PCDHA5: variants seen among roughly 807,000 people sequenced by gnomAD.
PCDHA5 encodes protocadherin alpha 5.
Under a neutral mutation model 61.6 loss-of-function variants are expected in PCDHA5, and 43 were observed. The observed-to-expected ratio is 0.70, with a 90% CI of 0.55 to 0.90. The LOEUF is 0.90. PCDHA5 is among the 40% of genes least tolerant of loss of function. PCDHA5 has a pLI of 0.00. For missense variants in PCDHA5, 1,298 were observed against 1,222.7 expected, an observed-to-expected ratio of 1.06 and a Z score of -0.92; for synonymous variants, 627 against 543.9, an observed-to-expected ratio of 1.15 and a Z score of -2.13.
At position 140,883,032 on chromosome 5, in the gene PCDHA5, C is replaced by G. The variant is rs2153389895; in HGVS notation, c.2352+58905C>G. The G allele has an allele frequency of 6.2e-6, 10 of 1,614,064 alleles. No individual in the cohort carries two copies. The South Asian group carries it at 8.8e-5, about 14-fold the overall frequency. ...TATAAAGTGACGGTGTTAGAGAACG[C>G]CTTCAATGGAACATTAGTGATCAAG... On this transcript the variant is annotated intron_variant, in intron 1 of 3. Transcript: ENST00000529859.
intron 1 of PCDHA5, among the ~76,000 whole-genome samples, chr5:140,895,700 A>G (rs2065117583): frequency 6.6e-6 from 1 of 152,022 alleles, no homozygotes; most frequent in Non-Finnish European, 1.5e-5. Context: ...ATATTAATTC[A>G]CTTGGGATAA....
At chr5:140,928,844 C>A (rs782361945) in intron 1 of PCDHA5, 9 of 1,614,168 alleles carry the variant, frequency 5.6e-6, no homozygotes, top group Non-Finnish European at 7.6e-6. Context: ...TCCTCTGTCA[C>A]TCTGGGTGTG....
chr5:140,843,829 G>T (rs1554140457), intron 1 of PCDHA5: 1 of 1,170,122 alleles, frequency 8.5e-7, no homozygotes, highest in African/African-American at 1.5e-5. Flanking sequence ...TTTAAACATT[G>T]TTTAGTTTTT....
chr5:140,915,463 T>C (rs2077131577), intron 1 of PCDHA5, among the ~76,000 whole-genome samples: 1 of 152,184 alleles, frequency 6.6e-6, no homozygotes, highest in East Asian at 1.9e-4. Flanking sequence ...AGAAGGTTTT[T>C]ATTTGAAGGA....
chr5:140,887,769 T>A (rs1012351831), intron 1 of PCDHA5, among the ~76,000 whole-genome samples: 23 of 152,212 alleles, frequency 1.5e-4, no homozygotes, highest in African/African-American at 5.5e-4. Flanking sequence ...TATGTTACAA[T>A]GACACAGGTC....
chr5:140,849,536 T>C lies in PCDHA5; in HGVS notation c.2352+25409T>C, dbSNP rs2150439955. On this transcript the variant is annotated intron_variant, in intron 1 of 3. Transcript: ENST00000529859. ...AAGTTGTGGATGTAAATGACAATGC[T>C]CCACAGTTGACTATCAAAACGCTCT... The C allele has an allele frequency of 1.9e-6, 3 of 1,597,980 alleles. 1 individual carries two copies. Among genetic ancestry groups the C allele is most frequent in the Non-Finnish European group, 2.6e-6 (3 of 1,167,716 alleles).
At chr5:140,828,529 G>T in intron 1 of PCDHA5, 1 of 1,614,222 alleles carries the variant, frequency 6.2e-7, no homozygotes, top group Non-Finnish European at 8.5e-7. Context: ...ACGAATCTAG[G>T]CTGCCAGATT....
At chr5:140,828,503 CAA>C (rs2150156146) in intron 1 of PCDHA5, 9 of 1,614,120 alleles carry the variant, frequency 5.6e-6, no homozygotes, top group East Asian at 4.5e-5. Flanking sequence ...GGTAGAGGAA[CAA>C]AGAGTGCTGA....
At chr5:140,829,784 C>T (rs2150174658) in intron 1 of PCDHA5, 2 of 1,613,724 alleles carry the variant, frequency 1.2e-6, no homozygotes, top group Non-Finnish European at 1.7e-6. Context: ...CGCGCCGGCG[C>T]TGCTGGCGCC....
At chr5:140,949,290 G>C (rs552572317) in intron 1 of PCDHA5, among the ~76,000 whole-genome samples, 5 of 151,900 alleles carry the variant, frequency 3.3e-5, no homozygotes, top group South Asian at 2.1e-4. Flanking sequence ...TGTATATTCT[G>C]TAATTGTTGG....
At chr5:140,985,532 G>T (rs1358120172) in intron 3 of PCDHA5, among the ~76,000 whole-genome samples, 1 of 152,072 alleles carries the variant, frequency 6.6e-6, no homozygotes, top group Non-Finnish European at 1.5e-5. Context: ...AAAGCTTCAC[G>T]GTGAAGATGC....
rs140039635 is a variant in PCDHA5 at position 140,823,972 on chromosome 5, C to A, written c.2197C>A (p.Arg733=). 1.9e-6 allele frequency: 3 copies of A among 1,614,108 alleles called. No individual in the cohort carries two copies. The highest frequency in any genetic ancestry group is 2.5e-6 in the Non-Finnish European group (3 of 1,180,008). ...GCAGCCCACCGAGGCCGTGTGCACACGGGGCAAGCCCACTCTGTTGTGCTC... is the reference window on the plus strand; with the variant it reads ...GCAGCCCACCGAGGCCGTGTGCACAAGGGGCAAGCCCACTCTGTTGTGCTC... The part of the protein sequence containing the change: ...SAQPTEAVCT[R]GKPTLLCSSA... Residue 733 remains arginine (R), a synonymous_variant, in exon 1 of 4, where the codon CGG becomes AGG. Coordinates refer to ENST00000529859, the MANE Select transcript of PCDHA5 (RefSeq NM_018908.3).
intron 1 of PCDHA5, among the ~76,000 whole-genome samples, chr5:140,941,615 C>T (rs2093129027): frequency 6.6e-6 from 1 of 151,970 alleles, no homozygotes; most frequent in African/African-American, 2.4e-5. Context: ...GTGCCCAGCC[C>T]ATCCTGCTTC....
Position 141,011,146 on chromosome 5 carries a change from C to T in PCDHA5, c.*1209C>T, listed in dbSNP as rs1180133019. On this transcript the variant is annotated 3_prime_UTR_variant, in exon 4 of 4. Transcript: ENST00000529859. ...TATGTGCACTTTGATACACAACCTT[C>T]TCTAACCAACTATATATCAAGACCC... The T allele has an allele frequency of 6.5e-6, 1 of 153,746 alleles. No individual in the cohort carries two copies. The highest frequency in any genetic ancestry group is 2.1e-4 in the South Asian group (1 of 4,824). The allele number at this position is 153,746 out of a possible 1,614,324, so 9.5% of individuals were successfully genotyped here.
chr5:140,981,690 A>C (rs1410954672), intron 2 of PCDHA5, among the ~76,000 whole-genome samples: 1 of 150,712 alleles, frequency 6.6e-6, no homozygotes, highest in Non-Finnish European at 1.5e-5. Flanking sequence ...CCCTTCCATC[A>C]TTCATTCATT....
intron 1 of PCDHA5, chr5:140,926,742 C>A: frequency 8.3e-7 from 1 of 1,199,336 alleles, no homozygotes; most frequent in Non-Finnish European, 1.1e-6. Flanking sequence ...GGAGGCGCAA[C>A]GTCGGCGGTC....
At chr5:140,930,778 T>G (rs891094443) in intron 1 of PCDHA5, among the ~76,000 whole-genome samples, 1 of 152,200 alleles carries the variant, frequency 6.6e-6, no homozygotes, top group African/African-American at 2.4e-5. Flanking sequence ...CTTAATATTT[T>G]CACAATATAA....
chr5:140,824,062 C>T lies in PCDHA5; in HGVS notation c.2287C>T (p.Pro763Ser), dbSNP rs2150131839. 1.2e-6 allele frequency: 2 copies of T among 1,614,200 alleles called. No individual in the cohort carries two copies. The highest frequency in any genetic ancestry group is 1.3e-5 in the African/African-American group (1 of 75,046). ...ACAGAGGGTGTGCTCTGGGGAAGCTCCACCCAAAACAGACCTCATGGCCTT... is the reference window on the plus strand; with the variant it reads ...ACAGAGGGTGTGCTCTGGGGAAGCTTCACCCAAAACAGACCTCATGGCCTT... ...RRQRVCSGEA[P>S]PKTDLMAFSP... Residue 763 changes from proline (P) to serine (S), a missense_variant, in exon 1 of 4, where the codon CCA becomes TCA. Coordinates refer to ENST00000529859, the MANE Select transcript of PCDHA5 (RefSeq NM_018908.3).
chr5:140,914,262 G>A (rs1583899691), intron 1 of PCDHA5, among the ~76,000 whole-genome samples: 1 of 152,008 alleles, frequency 6.6e-6, no homozygotes, highest in Non-Finnish European at 1.5e-5. Flanking sequence ...CTTCAATGGT[G>A]GGTGCATATA....
Sources: allele counts gnomAD v4.1 joint callset (sites outside exome capture counted in the v4.1 genomes callset), GRCh38; gene constraint gnomAD v4.1.1; transcripts MANE v1.5; gene names NCBI Gene and HGNC (gene_info 2026-07-23, HGNC 2026-07-21).